The following KIAA0825 variants were observed in gnomAD, a reference collection of about 807,000 sequenced individuals.
KIAA0825 encodes uncharacterized protein KIAA0825.
KIAA0825 carries 119 observed loss-of-function variants against 147.6 expected under a neutral mutation model. The observed-to-expected ratio is 0.81, with a 90% CI of 0.69 to 0.94. The LOEUF (loss-of-function observed/expected upper bound fraction) is 0.94, where lower values mean the gene tolerates loss of function less well. KIAA0825 is among the 40% of genes least tolerant of loss of function. The probability of loss-of-function intolerance (pLI) is 0.00; values close to 1 mark genes in which losing one functional copy is unlikely to be tolerated. For missense variants in KIAA0825, 1,381 were observed against 1,472.7 expected (o/e 0.94, Z 1.02); for synonymous variants, 470 against 518.1 (o/e 0.91, Z 1.26).
At chr5:94,230,719 G>A (rs1774616243) in intron 20 of KIAA0825, among the ~76,000 whole-genome samples, 1 of 152,112 alleles carries the variant, frequency 6.6e-6, no homozygotes, top group Non-Finnish European at 1.5e-5. Flanking sequence ...TAAAGGCAAA[G>A]GTATGTATGG....
chr5:94,432,001 A>G (rs146794285), intron 14 of KIAA0825, among the ~76,000 whole-genome samples: 145 of 152,334 alleles, frequency 9.5e-4, no homozygotes, highest in African/African-American at 3.3e-3. Flanking sequence ...CAAGGGAGTA[A>G]CATAATCAGT....
At chr5:94,331,356 G>A (rs543674598) in intron 20 of KIAA0825, among the ~76,000 whole-genome samples, 140 of 152,180 alleles carry the variant, frequency 9.2e-4, no homozygotes, top group Admixed American at 1.3e-3. Flanking sequence ...CCAATTCCTC[G>A]AAACAACTCA....
At chr5:94,497,287 G>A (rs908230191) in intron 5 of KIAA0825, among the ~76,000 whole-genome samples, 1 of 152,194 alleles carries the variant, frequency 6.6e-6, no homozygotes, top group Admixed American at 6.5e-5. Flanking sequence ...GGAATAATAT[G>A]GACAATTTTT....
intron 20 of KIAA0825, among the ~76,000 whole-genome samples, chr5:94,329,414 C>T (rs943193769): frequency 1.3e-5 from 2 of 152,034 alleles, no homozygotes; most frequent in Admixed American, 1.3e-4. Context: ...GGAAAATTAA[C>T]ACAGAATGAT....
At chr5:94,283,100 A>G (rs992959529) in intron 20 of KIAA0825, among the ~76,000 whole-genome samples, 3 of 152,102 alleles carry the variant, frequency 2.0e-5, no homozygotes, top group Admixed American at 2.0e-4. Flanking sequence ...AAGAGTAGGA[A>G]TGAATTCTAA....
At chr5:94,426,529 C>G (rs1754907705) in intron 14 of KIAA0825, among the ~76,000 whole-genome samples, 1 of 152,082 alleles carries the variant, frequency 6.6e-6, no homozygotes, top group Non-Finnish European at 1.5e-5. Context: ...AAAGAATAAA[C>G]CGATAGAAAC....
In KIAA0825 at chr5:94,524,052, ATTGT is replaced by A. The variant is rs747417969; in HGVS notation, c.174_177del (p.Lys58AsnfsTer17). The A allele has an allele frequency of 5.6e-6, 9 of 1,609,346 alleles. No homozygotes were observed. The highest frequency in any genetic ancestry group is 4.0e-5 in the African/African-American group (3 of 74,678). Reference sequence around the variant, plus strand: ...GTTGTTTGCAGCTGCACACCTGGACATTGTTTGTTAATTTCGGACTGTATCTCTT... The same window carrying A: ...GTTGTTTGCAGCTGCACACCTGGACATTGTTAATTTCGGACTGTATCTCTT... On this transcript the variant is annotated frameshift_variant, in exon 4 of 21. Coordinates refer to ENST00000682413, the MANE Select transcript of KIAA0825 (RefSeq NM_001145678.3). LOFTEE classifies it high-confidence loss of function.
chr5:94,279,159 T>C (rs1238107057), intron 20 of KIAA0825, among the ~76,000 whole-genome samples: 1 of 152,122 alleles, frequency 6.6e-6, no homozygotes, highest in Non-Finnish European at 1.5e-5. Flanking sequence ...TAGATACTCA[T>C]ATATTCTTAA....
At chr5:94,338,992 A>G (rs922144706) in intron 20 of KIAA0825, among the ~76,000 whole-genome samples, 1 of 152,166 alleles carries the variant, frequency 6.6e-6, no homozygotes, top group Non-Finnish European at 1.5e-5. Context: ...TGCCTTATAT[A>G]AAGACATCAA....
At chr5:94,613,419 G>A (rs1032576984) in intron 1 of KIAA0825, among the ~76,000 whole-genome samples, 3 of 152,032 alleles carry the variant, frequency 2.0e-5, no homozygotes, top group Admixed American at 1.3e-4. Flanking sequence ...GGCTGGTCTC[G>A]GACTCCTTGT....
chr5:94,440,153 G>T (rs894914360), intron 13 of KIAA0825, 32 bp from the exon 14 acceptor site: 19 of 1,544,284 alleles, frequency 1.2e-5, no homozygotes, highest in East Asian at 2.4e-5. Flanking sequence ...ATGGAGTAAT[G>T]AAGTTAATTT....
In KIAA0825 at chr5:94,380,815, G is replaced by T. The variant is rs73773653; in HGVS notation, c.3710+3553C>A. 6.7e-3 allele frequency among the ~76,000 whole-genome samples: 1,017 copies of T among 152,290 alleles called. 13 individuals carry two copies. The highest frequency in any genetic ancestry group is 0.023 in the African/African-American group (953 of 41,566). ...CATTCTATTTAGAGCATCATGAATC[G>T]GAAGGAGATGTTTTGAGATGAGGCC... On this transcript the variant is annotated intron_variant, in intron 20 of 20. Transcript: ENST00000682413.
chr5:94,593,599 A>T (rs1784732801), intron 1 of KIAA0825: 1 of 519,450 alleles, frequency 1.9e-6, no homozygotes, highest in Non-Finnish European at 3.6e-6. Context: ...TATGTTATTG[A>T]TGTCAGAGGA....
intron 20 of KIAA0825, among the ~76,000 whole-genome samples, chr5:94,164,960 C>G (rs535058895): frequency 6.6e-6 from 1 of 152,244 alleles, no homozygotes; most frequent in East Asian, 1.9e-4. Flanking sequence ...CTAAAGATTT[C>G]TTGAACAATA....
chr5:94,516,263 T>C (rs777927777), intron 5 of KIAA0825, among the ~76,000 whole-genome samples: 2 of 152,170 alleles, frequency 1.3e-5, no homozygotes, highest in Non-Finnish European at 2.9e-5. Flanking sequence ...GAATGCACTG[T>C]GGGGTGCCCA....
rs181738106 is a variant in KIAA0825, at chr5:94,511,286, C to T, written c.970+8962G>A. On this transcript the variant is annotated intron_variant, in intron 5 of 20. Transcript: ENST00000682413. ...CCTGACTATGGTATTTTTGTTATAGCAGCCTGAATGGACTAAGACATCCTC... is the reference window on the plus strand; with the variant it reads ...CCTGACTATGGTATTTTTGTTATAGTAGCCTGAATGGACTAAGACATCCTC... Among the ~76,000 whole-genome samples the T allele has an allele frequency of 7.9e-5, 12 of 152,282 alleles. No homozygotes were observed. In the East Asian group the frequency reaches 2.1e-3, roughly 27 times the overall value.
chr5:94,512,934 T>C (rs905486783), intron 5 of KIAA0825, among the ~76,000 whole-genome samples: 2 of 152,054 alleles, frequency 1.3e-5, no homozygotes, highest in Non-Finnish European at 2.9e-5. Flanking sequence ...ATTTAGATAA[T>C]TTTAAGAGGG....
chr5:94,425,609 TCAA>T (rs1754757043), intron 14 of KIAA0825, among the ~76,000 whole-genome samples: 1 of 152,062 alleles, frequency 6.6e-6, no homozygotes, highest in Admixed American at 6.6e-5. Flanking sequence ...AGACCCCATC[TCAA>T]CAAAACAAAA....
chr5:94,432,090 TAAGTA>T (rs1196492891), intron 14 of KIAA0825, among the ~76,000 whole-genome samples: 1 of 152,228 alleles, frequency 6.6e-6, no homozygotes, highest in African/African-American at 2.4e-5. Context: ...TAATAATTCT[TAAGTA>T]AATTGTCTTT....
Sources: allele counts gnomAD v4.1 joint callset (sites outside exome capture counted in the v4.1 genomes callset), GRCh38; gene constraint gnomAD v4.1.1; transcripts MANE v1.5; gene names NCBI Gene and HGNC (gene_info 2026-07-23, HGNC 2026-07-21).